The following PRP4K variants were observed in gnomAD, a reference collection of about 807,000 sequenced individuals.
The protein encoded by PRP4K is serine/threonine-protein kinase PRP4 homolog.
chr6:4,032,830 C>T, the PRP4K span: 33 of 1,368,232 alleles, frequency 2.4e-5, no homozygotes, highest in East Asian at 5.2e-5. Context: ...ACTTGTGGAC[C>T]ATTAAAAATG....
the PRP4K span, chr6:4,056,595 T>C: frequency 6.3e-7 from 1 of 1,591,594 alleles, no homozygotes; most frequent in Non-Finnish European, 8.5e-7. Flanking sequence ...GGAATGAAGG[T>C]AGTTGTGACA....
At chr6:4,031,607 A>G in the PRP4K span, 1 of 1,584,572 alleles carries the variant, frequency 6.3e-7, no homozygotes, top group Non-Finnish European at 8.5e-7. Context: ...AAAATGGAGA[A>G]GTATCAGAAG....
chr6:4,058,401 G>C, the PRP4K span, among the ~76,000 whole-genome samples: 1 of 152,170 alleles, frequency 6.6e-6, no homozygotes, highest in African/African-American at 2.4e-5. Context: ...GAAAAAACCT[G>C]AGTTTTGTGA....
At chr6:4,022,285 A>G in the PRP4K span, among the ~76,000 whole-genome samples, 1 of 140,640 alleles carries the variant, frequency 7.1e-6, no homozygotes. Context: ...TTAAGAATCC[A>G]TGCGGCCAAA....
the PRP4K span, among the ~76,000 whole-genome samples, chr6:4,046,100 T>G: frequency 1.3e-5 from 2 of 152,254 alleles, no homozygotes; most frequent in Non-Finnish European, 2.9e-5. Flanking sequence ...TATAATGGTG[T>G]TGTGCATTAA....
At chr6:4,043,883 C>T in the PRP4K span, 6 of 1,614,112 alleles carry the variant, frequency 3.7e-6, no homozygotes, top group Non-Finnish European at 4.2e-6. Flanking sequence ...CAGAGCAGTA[C>T]GAGAACACGA....
chr6:4,060,320 T>C, the PRP4K span: 4 of 1,191,810 alleles, frequency 3.4e-6, no homozygotes, highest in Non-Finnish European at 4.7e-6. This position sits in a 1 kb window ranked among gnomAD's most constrained non-coding sequence, Gnocchi z 4.7. Flanking sequence ...ATGCATGTTT[T>C]TAATATTTTT....
chr6:4,049,913 G>A, the PRP4K span: 2 of 1,595,938 alleles, frequency 1.3e-6, no homozygotes, highest in Non-Finnish European at 1.7e-6. Flanking sequence ...ACCTTTAACA[G>A]TACGGATACT....
the PRP4K span, among the ~76,000 whole-genome samples, chr6:4,045,359 C>G: frequency 6.6e-6 from 1 of 152,174 alleles, no homozygotes; most frequent in Non-Finnish European, 1.5e-5. Context: ...CCGACTCCTG[C>G]TCTAGCAAGA....
At chr6:4,045,480 C>T in the PRP4K span, among the ~76,000 whole-genome samples, 1 of 152,200 alleles carries the variant, frequency 6.6e-6, no homozygotes, top group African/African-American at 2.4e-5. Context: ...AGCACACTTA[C>T]TAGTGTCTGT....
the PRP4K span, among the ~76,000 whole-genome samples, chr6:4,029,012 C>CTTTTTT: frequency 1.3e-3 from 173 of 132,484 alleles, 4 homozygotes; most frequent in African/African-American, 4.7e-3. Flanking sequence ...TACTTGGAAT[C>CTTTTTT]TTTTTTTTTT....
the PRP4K span, among the ~76,000 whole-genome samples, chr6:4,034,500 A>C: frequency 2.0e-5 from 3 of 152,116 alleles, no homozygotes; most frequent in Admixed American, 6.6e-5. Flanking sequence ...AAGTTAGGTC[A>C]ATTTCTACTT....
chr6:4,064,192 T>TA, the PRP4K span: 2 of 152,628 alleles, frequency 1.3e-5, no homozygotes, highest in African/African-American at 2.4e-5. Flanking sequence ...AATTTTGTTT[T>TA]AAAATAATAG....
At chr6:4,040,370 G>T in the PRP4K span, among the ~76,000 whole-genome samples, 1 of 152,082 alleles carries the variant, frequency 6.6e-6, no homozygotes, top group African/African-American at 2.4e-5. Context: ...GTTCCCTTTT[G>T]CCCCTTTTCG....
chr6:4,048,242 G>T, the PRP4K span, among the ~76,000 whole-genome samples: 1 of 152,066 alleles, frequency 6.6e-6, no homozygotes, highest in Non-Finnish European at 1.5e-5. Flanking sequence ...AGCCGGACGT[G>T]GTGGCGGGCG....
chr6:4,062,969 A>AT, the PRP4K span: 11 of 152,502 alleles, frequency 7.2e-5, no homozygotes, highest in Admixed American at 5.9e-4. This position sits in a 1 kb window ranked among gnomAD's most constrained non-coding sequence, Gnocchi z 4.2. Flanking sequence ...ATTTTATGTA[A>AT]TTTTTTAAGT....
the PRP4K span, chr6:4,061,388 T>C: frequency 6.5e-6 from 1 of 152,684 alleles, no homozygotes; most frequent in Non-Finnish European, 1.5e-5. Context: ...TTATTAACTT[T>C]ACTTTTTTTA....
chr6:4,037,707 G>A, the PRP4K span: 85 of 724,848 alleles, frequency 1.2e-4, no homozygotes, highest in Non-Finnish European at 1.7e-4. Flanking sequence ...CCTTTTACCA[G>A]CAATCTCTAC....
At chr6:4,032,289 C>A in the PRP4K span, 1 of 1,613,124 alleles carries the variant, frequency 6.2e-7, no homozygotes, top group Non-Finnish European at 8.5e-7. Flanking sequence ...GGCCAGATCT[C>A]CTACTGATGA....
Sources: allele counts gnomAD v4.1 joint callset (sites outside exome capture counted in the v4.1 genomes callset), GRCh38; gene constraint gnomAD v4.1.1; non-coding constraint Gnocchi (gnomAD v3.1); transcripts MANE v1.5; gene names NCBI Gene and HGNC (gene_info 2026-07-23, HGNC 2026-07-21).